CD6: variants seen among roughly 807,000 people sequenced by gnomAD.
CD6 encodes CD6 molecule, also known as T-cell differentiation antigen CD6.
Under a neutral mutation model 75.3 loss-of-function variants are expected in CD6, and 53 were observed. The ratio of observed to expected loss-of-function variants is 0.70; its 90% confidence interval spans 0.56 to 0.88. The LOEUF (loss-of-function observed/expected upper bound fraction) is 0.88. Among genes scored for constraint, CD6 ranks in the 40% least tolerant of loss-of-function variants. The pLI is 0.00. For missense variants in CD6, 770 were observed against 897.1 expected (o/e 0.86, Z 1.81); for synonymous variants, 359 against 381.5 (o/e 0.94, Z 0.69).
rs573298728 is a variant in CD6 at position 60,985,374 on chromosome 11, G to A, written c.49+13460G>A. Among the ~76,000 whole-genome samples, 45 of 151,618 alleles carry A rather than the reference G, an allele frequency of 3.0e-4. 1 individual carries two copies. Among genetic ancestry groups the A allele is most frequent in the Non-Finnish European group, 2.7e-4 (18 of 67,910 alleles). ...TAATTTTTGTATTTTTAGTAGAGAC[G>A]GGGTTTCGCCATGTTAGCCAGGCTG... is the stretch of plus-strand genomic sequence containing the variant. On this transcript the variant is annotated intron_variant, in intron 1 of 12. Coordinates refer to ENST00000313421, the MANE Select transcript of CD6 (RefSeq NM_006725.5).
At chr11:61,001,308 A>C (rs1193322825) in intron 1 of CD6, among the ~76,000 whole-genome samples, 1 of 147,446 alleles carries the variant, frequency 6.8e-6, no homozygotes, top group Non-Finnish European at 1.5e-5. Context: ...GGTTCAAGCG[A>C]TTCTCTGCCT....
chr11:61,010,888 C>T (rs1415012837), intron 5 of CD6, among the ~76,000 whole-genome samples, 182 bp from the exon 6 acceptor site: 1 of 152,044 alleles, frequency 6.6e-6, no homozygotes, highest in African/African-American at 2.4e-5. Flanking sequence ...CCATGAGTTC[C>T]TCCTTACTGT....
At chr11:60,996,060 T>G (rs1195859395) in intron 1 of CD6, among the ~76,000 whole-genome samples, 4 of 152,204 alleles carry the variant, frequency 2.6e-5, no homozygotes, top group Non-Finnish European at 5.9e-5. Flanking sequence ...GTTACGAATG[T>G]GGCCTCTGCA....
At chr11:60,985,623 T>C (rs1857782905) in intron 1 of CD6, among the ~76,000 whole-genome samples, 1 of 152,154 alleles carries the variant, frequency 6.6e-6, no homozygotes, top group South Asian at 2.1e-4. Context: ...TGTCATTAAA[T>C]AGCCTGCCGT....
chr11:60,998,720 A>G (rs1858422112), intron 1 of CD6, among the ~76,000 whole-genome samples: 1 of 152,204 alleles, frequency 6.6e-6, no homozygotes, highest in African/African-American at 2.4e-5. Context: ...TCAGTATGAA[A>G]GCTCACTGTA....
Position 61,006,627 on chromosome 11 carries a change from G to T in CD6, c.103G>T (p.Glu35Ter). The T allele has an allele frequency of 6.2e-7, 1 of 1,609,472 alleles. No individual in the cohort carries two copies. The highest frequency in any genetic ancestry group is 1.3e-5 in the African/African-American group (1 of 75,000). ...DQLNTSSAES[E>*]LWEPGERLPV... ...GCTCAACACCAGCAGTGCAGAGAGT[G>T]AGCTCTGGGAGCCAGGTGAGCAAAC... Residue 35 changes from glutamate to a stop codon, truncating the protein, a stop_gained, in exon 2 of 13, where the codon GAG becomes TAG. Coordinates refer to ENST00000313421, the MANE Select transcript of CD6 (RefSeq NM_006725.5). LOFTEE classifies it high-confidence loss of function.
Position 61,018,324 on chromosome 11 carries a change from T to A in CD6, c.1873T>A (p.Ser625Thr), listed in dbSNP as rs779909744. ...GGCTGATGACAGCTCCAGCACCTCATCCGGGGAGTGGTACCAGAACTTCCA... is the reference window on the plus strand; with the variant it reads ...GGCTGATGACAGCTCCAGCACCTCAACCGGGGAGTGGTACCAGAACTTCCA... ...PPADDSSSTSSGEWYQNFQPP... is the reference protein window; with the variant it reads ...PPADDSSSTSTGEWYQNFQPP... Residue 625 changes from serine (S) to threonine (T), a missense_variant, in exon 12 of 13, where the codon TCC becomes ACC. Coordinates refer to ENST00000313421, the MANE Select transcript of CD6 (RefSeq NM_006725.5). 2 of 1,608,420 alleles carry A rather than the reference T, an allele frequency of 1.2e-6. No homozygotes were observed. The highest frequency in any genetic ancestry group is 4.5e-5 in the East Asian group (2 of 44,750).
intron 1 of CD6, chr11:60,989,424 C>G (rs527321954): frequency 2.0e-5 from 3 of 152,352 alleles, no homozygotes; most frequent in Non-Finnish European, 4.4e-5. Context: ...CCCGGCAATA[C>G]CTTCCTGGAC....
intron 1 of CD6, chr11:60,985,236 T>C (rs1163815332): frequency 1.5e-5 from 2 of 134,884 alleles, no homozygotes; most frequent in Non-Finnish European, 3.1e-5. Context: ...CAGGCTGGAG[T>C]GCAATGGTGC....
At chr11:61,015,900 C>A (rs1859381681) in intron 9 of CD6, 65 bp downstream of exon 9, 17 of 1,594,040 alleles carry the variant, frequency 1.1e-5, no homozygotes, top group Non-Finnish European at 1.4e-5. Flanking sequence ...CCCGAGGGGA[C>A]CGTCAGGTCA....
At chr11:60,998,534 G>A (rs1234530276) in intron 1 of CD6, among the ~76,000 whole-genome samples, 1 of 152,126 alleles carries the variant, frequency 6.6e-6, no homozygotes, top group Non-Finnish European at 1.5e-5. Flanking sequence ...CCAACCCAGT[G>A]ACCCTCTCCA....
Position 61,011,101 on chromosome 11 carries a change from C to T in CD6, c.1116C>T (p.Pro372=). The part of the protein sequence containing the change: ...ASRSLHNLST[P]EVPASVQTVT... ...GGAGTTTGCACAATCTGTCCACTCCCGAAGTCCCTGCAAGTGTTCAGACAG... is the reference window on the plus strand; with the variant it reads ...GGAGTTTGCACAATCTGTCCACTCCTGAAGTCCCTGCAAGTGTTCAGACAG... Residue 372 remains proline, a synonymous_variant, in exon 6 of 13, where the codon CCC becomes CCT. Coordinates refer to ENST00000313421, the MANE Select transcript of CD6 (RefSeq NM_006725.5). 4.3e-6 allele frequency: 7 copies of T among 1,613,942 alleles called. 1 individual carries two copies. The highest frequency in any genetic ancestry group is 3.3e-4 in the Middle Eastern group (2 of 6,062).
intron 1 of CD6, among the ~76,000 whole-genome samples, chr11:60,981,901 C>T (rs1276381756): frequency 1.3e-5 from 2 of 151,924 alleles, no homozygotes; most frequent in Non-Finnish European, 2.9e-5. Context: ...GAATGTGGTC[C>T]CCTGTTTTCC....
chr11:61,008,243 C>G (rs1858968956), intron 3 of CD6: 3 of 472,652 alleles, frequency 6.3e-6, no homozygotes, highest in African/African-American at 5.9e-5. Context: ...CCTCCCCTTT[C>G]GCCATATACA....
intron 1 of CD6, among the ~76,000 whole-genome samples, chr11:60,990,818 G>A (rs2135070659): frequency 6.6e-6 from 1 of 151,520 alleles, no homozygotes; most frequent in Non-Finnish European, 1.5e-5. Context: ...ATATTGTTCT[G>A]AAACTTATTA....
At chr11:60,991,980 C>G (rs1393807466) in intron 1 of CD6, among the ~76,000 whole-genome samples, 1 of 151,680 alleles carries the variant, frequency 6.6e-6, no homozygotes, top group African/African-American at 2.4e-5. Flanking sequence ...ACTCCTCGGC[C>G]CAAGTGATCC....
At chr11:60,979,702 A>G (rs1027171062) in intron 1 of CD6, among the ~76,000 whole-genome samples, 1 of 152,084 alleles carries the variant, frequency 6.6e-6, no homozygotes, top group African/African-American at 2.4e-5. Context: ...TCCTGACCTC[A>G]GGTGATCCAC....
intron 12 of CD6, chr11:61,019,016 G>T: frequency 2.3e-6 from 1 of 427,324 alleles, no homozygotes; most frequent in South Asian, 7.5e-5. Context: ...ACATTCAATC[G>T]TCCACCGTGT....
rs1266126341 is a variant in CD6, at chr11:61,008,691, G to A, written c.627G>A (p.Gln209=). 2 of 1,607,434 alleles carry A rather than the reference G, an allele frequency of 1.2e-6. No individual in the cohort carries two copies. The highest frequency in any genetic ancestry group is 1.7e-6 in the Non-Finnish European group (2 of 1,177,678). ...CRQLGCGWAV[Q]ALPGLHFTPG... is the part of the protein sequence containing the mutation. ...AACTGGGCTGCGGCTGGGCAGTCCA[G>A]GCCCTGCCCGGCTTGCACTTCACGC... is the stretch of plus-strand genomic sequence containing the variant. Residue 209 remains glutamine (Q), a synonymous_variant, in exon 4 of 13, where the codon CAG becomes CAA. Coordinates refer to ENST00000313421, the MANE Select transcript of CD6 (RefSeq NM_006725.5).
Sources: gnomAD v4.1 joint callset for allele counts (sites outside exome capture counted in the v4.1 genomes callset) on GRCh38, gnomAD v4.1.1 for gene constraint, MANE v1.5 for transcripts, NCBI Gene and HGNC (gene_info 2026-07-23, HGNC 2026-07-21) for gene names.